The following IST1 variants were observed in gnomAD, a reference collection of about 807,000 sequenced individuals.
IST1 encodes the protein IST1 homolog.
In IST1, 23 loss-of-function variants were observed where a neutral mutation model predicts 37.0. The observed-to-expected ratio is 0.62, with a 90% CI of 0.45 to 0.88. IST1 has a LOEUF of 0.88. Among genes scored for constraint, IST1 ranks in the 40% least tolerant of loss-of-function variants. The pLI is 0.00. For missense variants in IST1, 488 were observed against 445.4 expected (o/e 1.10, Z -0.86); for synonymous variants, 180 against 161.7 (o/e 1.11, Z -0.86).
Position 71,928,075 on chromosome 16 carries a change from G to A in IST1, c.*262G>A. The A allele has an allele frequency of 2.3e-6, 1 of 441,970 alleles. No individual in the cohort carries two copies. The allele number at this position is 441,970 out of a possible 1,614,324, so 27.4% of individuals were successfully genotyped here. A position where few individuals can be genotyped will look rare whatever the true frequency, so the allele number is the denominator to read the frequency against. ...CCGTTTCCTGTCAGAGTGATCCCAG[G>A]TTTCCTCCTGGCCCGTCCCATGGTC... On this transcript the variant is annotated 3_prime_UTR_variant, in exon 10 of 10. Coordinates refer to ENST00000378799, the MANE Select transcript of IST1 (RefSeq NM_001270975.2).
intron 6 of IST1, 109 bp from the exon 7 acceptor site, chr16:71,922,365 A>T: frequency 1.1e-6 from 1 of 875,890 alleles, no homozygotes; most frequent in Non-Finnish European, 1.9e-6. Flanking sequence ...TTGATCCCAG[A>T]AGCACTCCAG....
chr16:71,914,145 G>T (rs2037418904), intron 1 of IST1, among the ~76,000 whole-genome samples: 1 of 148,064 alleles, frequency 6.8e-6, no homozygotes, highest in Admixed American at 6.8e-5. Flanking sequence ...TAGAATACAG[G>T]TTCATTTGAG....
At chr16:71,912,405 T>C (rs911961820) in intron 1 of IST1, among the ~76,000 whole-genome samples, 1 of 152,072 alleles carries the variant, frequency 6.6e-6, no homozygotes, top group Non-Finnish European at 1.5e-5. Flanking sequence ...GCCTGGCTAA[T>C]TTTTTGTATT....
chr16:71,895,651 T>A (rs1306516153), intron 1 of IST1, 62 bp downstream of exon 1: 11 of 713,908 alleles, frequency 1.5e-5, no homozygotes, highest in Non-Finnish European at 1.9e-5. Context: ...CGCTCCTGAT[T>A]TAGCGGTCTC....
chr16:71,913,225 A>G (rs564208710), intron 1 of IST1, among the ~76,000 whole-genome samples: 3 of 152,176 alleles, frequency 2.0e-5, no homozygotes, highest in Non-Finnish European at 2.9e-5. Context: ...AATCCCACCA[A>G]CAGTGCACAA....
rs2037814423 is a variant in IST1 at position 71,928,757 on chromosome 16, C to G, written c.*944C>G. ...ACTAATCTCAGAAAAATTTTTGGTG[C>G]CCATGCAGCTGTAGTTGTTCACTGC... On this transcript the variant is annotated 3_prime_UTR_variant, in exon 10 of 10. Coordinates refer to ENST00000378799, the MANE Select transcript of IST1 (RefSeq NM_001270975.2). 1 of 152,192 alleles carries G rather than the reference C, an allele frequency of 6.6e-6. No individual in the cohort carries two copies. 9.4% of individuals were successfully genotyped at this position (152,192 alleles called of 1,614,324 possible). A position where few individuals can be genotyped will look rare whatever the true frequency, so the allele number is the denominator to read the frequency against.
intron 7 of IST1, chr16:71,922,990 C>T: frequency 2.1e-6 from 1 of 482,826 alleles, no homozygotes; most frequent in Non-Finnish European, 3.7e-6. Context: ...CCAATTATTA[C>T]CAGGCAGAAC....
chr16:71,896,666 G>T (rs190322558), intron 1 of IST1, among the ~76,000 whole-genome samples: 4 of 152,112 alleles, frequency 2.6e-5, no homozygotes, highest in African/African-American at 9.7e-5. Flanking sequence ...TGGGATAGGG[G>T]GACTTGGTAA....
chr16:71,929,588 C>G lies in IST1; in HGVS notation c.*1775C>G, dbSNP rs2037844764. ...GTGTCACTGCCCACTGCTGTCGTGGCTGCTTGCTCAGATGAGGTTTTTTGG... is the reference window on the plus strand; with the variant it reads ...GTGTCACTGCCCACTGCTGTCGTGGGTGCTTGCTCAGATGAGGTTTTTTGG... On this transcript the variant is annotated 3_prime_UTR_variant, in exon 10 of 10. Transcript: ENST00000378799. The G allele has an allele frequency of 6.4e-7, 1 of 1,551,792 alleles. No homozygotes were observed. The highest frequency in any genetic ancestry group is 2.0e-5 in the Admixed American group (1 of 50,998).
In IST1 at chr16:71,930,902, C is replaced by T. The variant is rs9940234; in HGVS notation, c.*3089C>T. ...ACAGAGGGGTTGATTACAGTCAATG[C>T]CACCCTGATGGAAATCTATATGGCA... On this transcript the variant is annotated 3_prime_UTR_variant, in exon 10 of 10. Transcript: ENST00000378799. 0.25 allele frequency: 37,253 copies of T among 152,044 alleles called. 4,765 individuals are homozygous for T. Among genetic ancestry groups the T allele is most frequent in the Non-Finnish European group, 0.27 (18,410 of 67,978 alleles). 9.4% of individuals were successfully genotyped at this position (152,044 alleles called of 1,614,324 possible). A position where few individuals can be genotyped will look rare whatever the true frequency, so the allele number is the denominator to read the frequency against.
chr16:71,908,189 G>A (rs911608540), intron 1 of IST1, among the ~76,000 whole-genome samples: 2 of 151,328 alleles, frequency 1.3e-5, no homozygotes, highest in African/African-American at 4.8e-5. Flanking sequence ...CGATCCACCC[G>A]CCTCTGCCTC....
In IST1 at chr16:71,921,393, A is replaced by G. The variant is rs761751736; in HGVS notation, c.492A>G (p.Arg164=). 2 of 1,613,978 alleles carry G rather than the reference A, an allele frequency of 1.2e-6. No homozygotes were observed. The highest frequency in any genetic ancestry group is 3.3e-5 in the Admixed American group (2 of 60,032). The part of the protein sequence containing the change: ...VEAPPKILVE[R]YLIEIAKNYN... ...CCCCACCCAAAATCCTGGTGGAGAG[A>G]TACCTGATTGAAATTGCAAAGAATT... The change falls in exon 6 of 10, where the codon AGA becomes AGG. Residue 164 remains arginine (R), a synonymous_variant. Coordinates refer to ENST00000378799, the MANE Select transcript of IST1 (RefSeq NM_001270975.2).
At chr16:71,902,708 C>T (rs938456904) in intron 1 of IST1, among the ~76,000 whole-genome samples, 1 of 152,046 alleles carries the variant, frequency 6.6e-6, no homozygotes, top group African/African-American at 2.4e-5. Context: ...GTTATAATAT[C>T]GCCTTTAAAA....
In IST1 at chr16:71,922,623, GCC is replaced by G; in HGVS notation, c.704_705del (p.Pro235HisfsTer48). ...GAACGGTGCCAATGCCCATGCCCATGCCCATGCCTATGCCATCTGCAAATACG... is the reference window on the plus strand; with the variant it reads ...GAACGGTGCCAATGCCCATGCCCATGCATGCCTATGCCATCTGCAAATACG... Reference protein sequence around the residue: ...DGTVPMPMPMPMPMPSANTPF... With the variant: ...DGTVPMPMPMXMPMPSANTPF... On this transcript the variant is annotated frameshift_variant, in exon 7 of 10. Transcript: ENST00000378799. LOFTEE classifies it high-confidence loss of function. 1.2e-6 allele frequency: 2 copies of G among 1,612,044 alleles called. No homozygotes were observed. The highest frequency in any genetic ancestry group is 1.1e-5 in the South Asian group (1 of 90,394).
intron 1 of IST1, among the ~76,000 whole-genome samples, chr16:71,901,464 C>T (rs915668188): frequency 3.3e-5 from 5 of 152,210 alleles, no homozygotes; most frequent in Admixed American, 2.6e-4. Flanking sequence ...CCACCCACCT[C>T]GGCCTCCCAA....
chr16:71,894,562 G>T, upstream of IST1: 1 of 297,624 alleles, frequency 3.4e-6, no homozygotes, highest in Non-Finnish European at 6.3e-6. Context: ...CTTTTTTTCT[G>T]TAGCCTAGGC....
chr16:71,901,395 A>C lies in IST1; in HGVS notation c.-16+5806A>C, dbSNP rs188050352. ...CACCCAGCTAATTTTTTGTGTTTTTAGTAGAGATGGGGTTTCACTGCGTTA... is the reference window on the plus strand; with the variant it reads ...CACCCAGCTAATTTTTTGTGTTTTTCGTAGAGATGGGGTTTCACTGCGTTA... On this transcript the variant is annotated intron_variant, in intron 1 of 9. Transcript: ENST00000378799. 3.0e-4 allele frequency among the ~76,000 whole-genome samples: 46 copies of C among 152,188 alleles called. No homozygotes were observed. The East Asian group carries it at 8.1e-3, about 27-fold the overall frequency.
upstream of IST1, chr16:71,895,061 G>T: frequency 2.2e-6 from 1 of 459,652 alleles, no homozygotes; most frequent in Non-Finnish European, 3.9e-6. Context: ...GAAGAGTCAG[G>T]GATACGCAGG....
intron 5 of IST1, 96 bp from the exon 6 acceptor site, chr16:71,921,247 T>TA: frequency 9.3e-6 from 7 of 756,566 alleles, no homozygotes; most frequent in Non-Finnish European, 1.6e-5. Context: ...CCCTCAATAT[T>TA]ACCTGTAAAA....
Sources: allele counts gnomAD v4.1 joint callset (sites outside exome capture counted in the v4.1 genomes callset), GRCh38; gene constraint gnomAD v4.1.1; transcripts MANE v1.5; gene names NCBI Gene and HGNC (gene_info 2026-07-23, HGNC 2026-07-21).